The following FOXP2 variants were observed in gnomAD, a reference collection of about 807,000 sequenced individuals.
FOXP2 encodes the protein forkhead box P2.
A neutral mutation model predicts 115.8 loss-of-function variants in FOXP2; 12 were observed. The ratio of observed to expected loss-of-function variants is 0.10; its 90% CI spans 0.07 to 0.17. The LOEUF is 0.17. FOXP2 is among the 10% of genes least tolerant of loss of function. The pLI, the probability that FOXP2 is intolerant of heterozygous loss-of-function variation, is 1.00. For synonymous variants in FOXP2, 328 were observed against 297.7 expected (o/e 1.10, Z -1.05); for missense variants, 629 against 843.5 (o/e 0.75, Z 3.15).
rs1232894330 is a variant in FOXP2, at chr7:114,351,922, T to C, written c.-11+63813T>C. 2.0e-5 allele frequency among the ~76,000 whole-genome samples: 3 copies of C among 152,152 alleles called. No individual in the cohort carries two copies. The South Asian group carries it at 6.2e-4, about 31-fold the overall frequency. ...TAGAAAGATGTGGTATAGTATGCAC[T>C]AATTATATGTCAGATGTTAGTTCCA... On this transcript the variant is annotated intron_variant, in intron 2 of 17. Coordinates refer to the FOXP2 transcript ENST00000634411.
At chr7:114,349,890 G>T (rs1318811879) in intron 2 of FOXP2, among the ~76,000 whole-genome samples, 2 of 152,042 alleles carry the variant, frequency 1.3e-5, no homozygotes, top group Non-Finnish European at 2.9e-5. Context: ...GTATAATTAT[G>T]AATTACACAT....
chr7:114,180,204 A>C (rs1793421298), intron 1 of FOXP2, among the ~76,000 whole-genome samples: 1 of 151,964 alleles, frequency 6.6e-6, no homozygotes, highest in Admixed American at 6.6e-5. Context: ...TGCTACATCT[A>C]AAGGACAGTT....
Position 114,540,852 on chromosome 7 carries a change from T to A in FOXP2, c.258+6146T>A, listed in dbSNP as rs141673214. 4.2e-3 allele frequency among the ~76,000 whole-genome samples: 637 copies of A among 152,212 alleles called. 8 individuals are homozygous for A. Among genetic ancestry groups the A allele is most frequent in the African/African-American group, 0.015 (603 of 41,554 alleles). ...TTTGATCAGCCTAGAGATATCATAC[T>A]AATGTAATAATGAATGGGTTGGGGG... On this transcript the variant is annotated intron_variant, in intron 3 of 16. Transcript: ENST00000350908.
chr7:114,297,154 G>A (rs1252023985), intron 2 of FOXP2: 1 of 490,716 alleles, frequency 2.0e-6, no homozygotes, highest in South Asian at 1.7e-5. Context: ...CGCCCAGAAC[G>A]TTTCTCAGCT....
chr7:114,235,403 TAAAAA>T (rs920080575), intron 1 of FOXP2, among the ~76,000 whole-genome samples: 4 of 151,716 alleles, frequency 2.6e-5, no homozygotes, highest in Middle Eastern at 3.2e-3. Flanking sequence ...TTTTATCACT[TAAAAA>T]AAAGGAAAAA....
chr7:114,247,179 T>C (rs184134853), intron 1 of FOXP2, among the ~76,000 whole-genome samples: 1 of 152,314 alleles, frequency 6.6e-6, no homozygotes, highest in East Asian at 1.9e-4. Flanking sequence ...CTCCTATATC[T>C]TCCTTATGTA....
In FOXP2 at chr7:114,590,857, C is replaced by G. The variant is rs1802406546; in HGVS notation, c.259-37683C>G. ...GGAAAAATCAGACAATCTGTTTCAA[C>G]TCAGGTACAATTAATTTGTTTTTAA... is the stretch of plus-strand genomic sequence containing the variant. On this transcript the variant is annotated intron_variant, in intron 3 of 16. Transcript: ENST00000350908. Among the ~76,000 whole-genome samples, 6 of 152,044 alleles carry G rather than the reference C, an allele frequency of 3.9e-5. No individual in the cohort carries two copies. In the South Asian group the frequency reaches 1.2e-3, roughly 32 times the overall value.
intron 3 of FOXP2, among the ~76,000 whole-genome samples, chr7:114,559,885 T>C (rs1421280866): frequency 1.4e-5 from 1 of 73,080 alleles, no homozygotes; most frequent in Non-Finnish European, 2.7e-5. Context: ...CAAGATTCCA[T>C]CTTAAAAAAA....
intron 2 of FOXP2, among the ~76,000 whole-genome samples, chr7:114,293,016 C>T (rs757851579): frequency 6.6e-6 from 1 of 152,138 alleles, no homozygotes; most frequent in Non-Finnish European, 1.5e-5. Context: ...TTACAACTTA[C>T]ACCTTTGAAA....
chr7:114,110,174 GT>G (rs1262275910), intron 1 of FOXP2, among the ~76,000 whole-genome samples: 2 of 152,110 alleles, frequency 1.3e-5, no homozygotes, highest in African/African-American at 4.8e-5. Context: ...GCTAGCCCTA[GT>G]CGTAGTTCTA....
chr7:114,526,489 A>C (rs565422147), intron 2 of FOXP2, among the ~76,000 whole-genome samples: 53 of 127,954 alleles, frequency 4.1e-4, no homozygotes, highest in African/African-American at 1.8e-3. Flanking sequence ...AAAAAAAAAC[A>C]AAAAAAAAAA....
At position 114,332,310 on chromosome 7, in the gene FOXP2, C is replaced by T. The variant is rs534784466; in HGVS notation, c.-11+44201C>T. 4.6e-5 allele frequency among the ~76,000 whole-genome samples: 7 copies of T among 152,264 alleles called. No homozygotes were observed. The South Asian group carries it at 1.2e-3, about 27-fold the overall frequency. Reference sequence around the variant, plus strand: ...AGTAAAATGTCTCCCCTGAGCTAAGCATAATTCAGTTGTTTTCTTCCTTCA... The same window carrying T: ...AGTAAAATGTCTCCCCTGAGCTAAGTATAATTCAGTTGTTTTCTTCCTTCA... On this transcript the variant is annotated intron_variant, in intron 2 of 17. Coordinates refer to the FOXP2 transcript ENST00000634411.
At chr7:114,146,165 C>T (rs1052491125) in intron 1 of FOXP2, among the ~76,000 whole-genome samples, 2 of 152,152 alleles carry the variant, frequency 1.3e-5, no homozygotes, top group Admixed American at 6.5e-5. Context: ...ACCATGTAAA[C>T]TTACTGTTAG....
At chr7:114,478,489 T>A (rs889458468) in intron 2 of FOXP2, among the ~76,000 whole-genome samples, 2 of 151,858 alleles carry the variant, frequency 1.3e-5, no homozygotes, top group Non-Finnish European at 1.5e-5. Flanking sequence ...CTGGTTTATC[T>A]TCTTTTCTTA....
intron 2 of FOXP2, among the ~76,000 whole-genome samples, chr7:114,309,169 C>T (rs543869715): frequency 6.3e-4 from 96 of 152,300 alleles, no homozygotes; most frequent in Non-Finnish European, 1.1e-3. Flanking sequence ...AAAGATTAGA[C>T]AAGTGTATCT....
intron 1 of FOXP2, among the ~76,000 whole-genome samples, chr7:114,253,051 C>T (rs191694774): frequency 6.6e-6 from 1 of 152,154 alleles, no homozygotes; most frequent in East Asian, 1.9e-4. Flanking sequence ...CGTTATGTAC[C>T]CAGTAGTCAT....
intron 2 of FOXP2, among the ~76,000 whole-genome samples, chr7:114,356,133 C>T (rs1482030077): frequency 1.3e-5 from 2 of 152,152 alleles, no homozygotes; most frequent in African/African-American, 4.8e-5. Context: ...ATTATAAAAA[C>T]TAGCCTTGTT....
At chr7:114,386,411 A>T (rs574069141) in intron 2 of FOXP2, among the ~76,000 whole-genome samples, 2 of 152,340 alleles carry the variant, frequency 1.3e-5, no homozygotes, top group South Asian at 4.1e-4. Flanking sequence ...ATGTACTAAT[A>T]GTGTAATTTG....
intron 1 of FOXP2, among the ~76,000 whole-genome samples, chr7:114,190,008 C>A (rs1793714901): frequency 6.6e-6 from 1 of 152,124 alleles, no homozygotes; most frequent in East Asian, 1.9e-4. Flanking sequence ...AAAAGAAGGC[C>A]TATGTACTCA....
Sources: allele counts gnomAD v4.1 joint callset (sites outside exome capture counted in the v4.1 genomes callset), GRCh38; gene constraint gnomAD v4.1.1; transcripts MANE v1.5; gene names NCBI Gene and HGNC (gene_info 2026-07-23, HGNC 2026-07-21).